The following FAM171B variants were observed in gnomAD, a reference collection of about 807,000 sequenced individuals.
The protein encoded by FAM171B is family with sequence similarity 171 member B, also known as protein FAM171B.
Under a neutral mutation model 75.6 loss-of-function variants are expected in FAM171B, and 19 were observed. The ratio of observed to expected loss-of-function variants is 0.25; its 90% CI spans 0.18 to 0.37. The LOEUF (loss-of-function observed/expected upper bound fraction) is 0.37, where lower values mean the gene tolerates loss of function less well. Ranked by LOEUF, FAM171B falls within the 10% of genes least tolerant of loss-of-function variation. FAM171B has a pLI of 1.00. For synonymous variants in FAM171B, 367 were observed against 361.7 expected (o/e 1.01, Z -0.17); for missense variants, 848 against 982.4 (o/e 0.86, Z 1.83).
intron 1 of FAM171B, among the ~76,000 whole-genome samples, chr2:186,724,584 C>T (rs1690003442): frequency 1.3e-5 from 2 of 152,132 alleles, no homozygotes; most frequent in Admixed American, 1.3e-4. Context: ...GGTGAATCAC[C>T]AGGCTTAAGG....
chr2:186,751,103 T>C (rs1383304020), intron 4 of FAM171B, 31 bp from the exon 5 acceptor site: 2 of 1,526,956 alleles, frequency 1.3e-6, no homozygotes, highest in African/African-American at 1.4e-5. Flanking sequence ...TCTGTTTACA[T>C]ATGATTTTAA....
chr2:186,751,192 A>T lies in FAM171B; in HGVS notation c.783A>T (p.Gly261=). 1 of 1,611,564 alleles carries T rather than the reference A, an allele frequency of 6.2e-7. No individual in the cohort carries two copies. The highest frequency in any genetic ancestry group is 8.5e-7 in the Non-Finnish European group (1 of 1,178,310). Reference sequence around the variant, plus strand: ...CAATATGTGTGAAAATATATTCTGGAGGAAAAGAACTAAAGGTCAATGGCT... The same window carrying T: ...CAATATGTGTGAAAATATATTCTGGTGGAAAAGAACTAAAGGTCAATGGCT... The part of the protein sequence containing the change: ...LAAICVKIYS[G]GKELKVNGSI... The change falls in exon 5 of 8, where the codon GGA becomes GGT. Residue 261 remains glycine, a synonymous_variant. Coordinates refer to ENST00000304698, the MANE Select transcript of FAM171B (RefSeq NM_177454.4).
At chr2:186,701,317 A>G (rs1689657272) in intron 1 of FAM171B, among the ~76,000 whole-genome samples, 1 of 152,210 alleles carries the variant, frequency 6.6e-6, no homozygotes, top group Non-Finnish European at 1.5e-5. Context: ...AAACAAATTA[A>G]CATATCCATC....
Position 186,762,924 on chromosome 2 carries a change from TGG to T in FAM171B, c.*102_*103del. ...AAGAAAATGAGACTGAGCAATCTCA[TGG>T]TTCTTGGACATGTCTCAAGCAGAGT... On this transcript the variant is annotated 3_prime_UTR_variant, in exon 8 of 8. Coordinates refer to ENST00000304698, the MANE Select transcript of FAM171B (RefSeq NM_177454.4). The surrounding 1 kb of genome is among the most constrained non-coding windows in gnomAD (Gnocchi z 4.0). The T allele has an allele frequency of 1.4e-6, 2 of 1,399,920 alleles. No homozygotes were observed. Among genetic ancestry groups the T allele is most frequent in the Non-Finnish European group, 1.9e-6 (2 of 1,028,144 alleles). The allele number at this position is 1,399,920 out of a possible 1,614,324, so 86.7% of individuals were successfully genotyped here. A position where few individuals can be genotyped will look rare whatever the true frequency, so the allele number is the denominator to read the frequency against.
At position 186,761,472 on chromosome 2, in the gene FAM171B, A is replaced by T; in HGVS notation, c.1137-7A>T. 2 of 1,550,966 alleles carry T rather than the reference A, an allele frequency of 1.3e-6. No individual in the cohort carries two copies. Among genetic ancestry groups the T allele is most frequent in the Non-Finnish European group, 1.7e-6 (2 of 1,157,624 alleles). ...TTAAATATTTTTTGCCTTCTCTTCT[A>T]CTCTAGGGACAAGTGTGGTACTCCA... On this transcript the variant is annotated splice_polypyrimidine_tract_variant and splice_region_variant and intron_variant, in intron 7 of 7. Transcript: ENST00000304698.
intron 1 of FAM171B, among the ~76,000 whole-genome samples, chr2:186,716,926 T>A (rs1014304667): frequency 1.3e-5 from 2 of 152,214 alleles, no homozygotes; most frequent in African/African-American, 2.4e-5. Context: ...GAGTATATTA[T>A]TTTATGCAAT....
intron 1 of FAM171B, among the ~76,000 whole-genome samples, chr2:186,723,390 T>C (rs1313526273): frequency 6.6e-6 from 1 of 152,352 alleles, no homozygotes; most frequent in East Asian, 1.9e-4. Flanking sequence ...CTGTGTGAAA[T>C]AGATTTGGTA....
At chr2:186,734,899 GACC>G (rs1327985692) in intron 1 of FAM171B, among the ~76,000 whole-genome samples, 1 of 152,216 alleles carries the variant, frequency 6.6e-6, no homozygotes, top group Admixed American at 6.5e-5. Flanking sequence ...GCCTGTTCTT[GACC>G]ACAACTTTGC....
intron 4 of FAM171B, among the ~76,000 whole-genome samples, chr2:186,749,139 G>C (rs1001387027): frequency 2.0e-5 from 3 of 152,192 alleles, no homozygotes; most frequent in African/African-American, 7.2e-5. Context: ...AGTGCACTGA[G>C]GAAGTTAAAT....
chr2:186,736,538 CTGTGTGTG>C (rs10660120), intron 1 of FAM171B, among the ~76,000 whole-genome samples: 1 of 122,944 alleles, frequency 8.1e-6, no homozygotes, highest in African/African-American at 3.0e-5. Flanking sequence ...ATGTTTGTGG[CTGTGTGTG>C]TGTGTGTGTG....
chr2:186,762,403 C>T lies in FAM171B; in HGVS notation c.2061C>T (p.His687=), dbSNP rs142301733. 4.3e-5 allele frequency: 70 copies of T among 1,613,528 alleles called. No individual in the cohort carries two copies. The African/African-American group carries it at 8.4e-4, about 19-fold the overall frequency. Residue 687 remains histidine (H), a synonymous_variant, in exon 8 of 8, where the codon CAC becomes CAT. Transcript: ENST00000304698. This position sits in a 1 kb window ranked among gnomAD's most constrained non-coding sequence, Gnocchi z 4.0. ...LDGKPVAQVR[H]SFIDLKKGKR... ...GAAAGCCAGTTGCACAAGTGAGGCA[C>T]TCCTTTATAGACCTGAAAAAGGGCA...
Position 186,762,725 on chromosome 2 carries a change from C to T in FAM171B, c.2383C>T (p.Pro795Ser). Residue 795 changes from proline (P) to serine (S), a missense_variant, in exon 8 of 8, where the codon CCC (proline) becomes TCC (serine). Transcript: ENST00000304698. This position sits in a 1 kb window ranked among gnomAD's most constrained non-coding sequence, Gnocchi z 4.0. ...TGAAGATTTTGAAGCTAATACATCC[C>T]CCACTAAAAGAAGGGGCAGACCACC... Reference protein sequence around the residue: ...TVEDFEANTSPTKRRGRPPLA... With the variant: ...TVEDFEANTSSTKRRGRPPLA... 1 of 1,613,026 alleles carries T rather than the reference C, an allele frequency of 6.2e-7. No individual in the cohort carries two copies. The highest frequency in any genetic ancestry group is 8.5e-7 in the Non-Finnish European group (1 of 1,179,564).
At chr2:186,744,831 T>C (rs1213306083) in intron 3 of FAM171B, among the ~76,000 whole-genome samples, 1 of 41,474 alleles carries the variant, frequency 2.4e-5, no homozygotes, top group Non-Finnish European at 4.7e-5. Flanking sequence ...CTGACCAGCA[T>C]TTTTTTTTTT....
At chr2:186,722,221 G>C (rs946420674) in intron 1 of FAM171B, among the ~76,000 whole-genome samples, 1 of 152,176 alleles carries the variant, frequency 6.6e-6, no homozygotes, top group East Asian at 1.9e-4. Flanking sequence ...TGGTAGCTTT[G>C]AGCATAGTTT....
At chr2:186,741,739 G>A (rs1347902181) in intron 2 of FAM171B, among the ~76,000 whole-genome samples, 1 of 152,074 alleles carries the variant, frequency 6.6e-6, no homozygotes, top group Non-Finnish European at 1.5e-5. Context: ...AATTACCTCG[G>A]TAACAATTTT....
At chr2:186,735,792 A>G (rs1189243904) in intron 1 of FAM171B, among the ~76,000 whole-genome samples, 8 of 152,230 alleles carry the variant, frequency 5.3e-5, no homozygotes, top group Non-Finnish European at 7.3e-5. Flanking sequence ...TGTTACAACC[A>G]TATTTATTTT....
intron 1 of FAM171B, among the ~76,000 whole-genome samples, 168 bp from the exon 2 acceptor site, chr2:186,740,060 G>A (rs1395261776): frequency 3.9e-5 from 6 of 152,016 alleles, no homozygotes; most frequent in South Asian, 2.1e-4. Context: ...AATTTATTTC[G>A]TTTTACAAAG....
At chr2:186,727,813 T>C (rs1690058064) in intron 1 of FAM171B, among the ~76,000 whole-genome samples, 1 of 152,192 alleles carries the variant, frequency 6.6e-6, no homozygotes, top group Admixed American at 6.5e-5. Flanking sequence ...GACATTTAAA[T>C]TTGGAATTAA....
chr2:186,735,117 T>C (rs1213866204), intron 1 of FAM171B, among the ~76,000 whole-genome samples: 1 of 152,164 alleles, frequency 6.6e-6, no homozygotes, highest in Non-Finnish European at 1.5e-5. Flanking sequence ...CCCTCTGGCC[T>C]TGTGGATTGT....
Sources: allele counts gnomAD v4.1 joint callset (sites outside exome capture counted in the v4.1 genomes callset), GRCh38; gene constraint gnomAD v4.1.1; non-coding constraint Gnocchi (gnomAD v3.1); transcripts MANE v1.5; gene names NCBI Gene and HGNC (gene_info 2026-07-23, HGNC 2026-07-21).